The following UNC5D variants were observed in gnomAD, a reference collection of about 807,000 sequenced individuals.
UNC5D encodes unc-5 netrin receptor D.
Under a neutral mutation model 105.4 loss-of-function variants are expected in UNC5D, and 39 were observed. That is an observed-to-expected ratio of 0.37 (90% CI 0.29 to 0.48). UNC5D has a LOEUF of 0.48. Among genes scored for constraint, UNC5D ranks in the 20% least tolerant of loss-of-function variants. The probability of loss-of-function intolerance (pLI) is 0.98; values close to 1 mark genes in which losing one functional copy is unlikely to be tolerated. For missense variants in UNC5D, 991 were observed against 1,202.4 expected, an observed-to-expected ratio of 0.82 and a Z score of 2.60; for synonymous variants, 452 against 450.4, an observed-to-expected ratio of 1.00 and a Z score of -0.04.
chr8:35,660,934 T>A (rs7011324), intron 4 of UNC5D, among the ~76,000 whole-genome samples: 29,260 of 151,766 alleles, frequency 0.19, 6,559 homozygotes, highest in African/African-American at 0.55. Context: ...TCTACAAAAA[T>A]ATTTATTTAA....
intron 1 of UNC5D, among the ~76,000 whole-genome samples, chr8:35,426,866 G>A (rs1007341379): frequency 6.6e-6 from 1 of 152,080 alleles, no homozygotes; most frequent in African/African-American, 2.4e-5. Flanking sequence ...GGACTCTAGG[G>A]TAGTCACCCA....
In UNC5D at chr8:35,245,380, G is replaced by A. The variant is rs556793256; in HGVS notation, c.103+9493G>A. On this transcript the variant is annotated intron_variant, in intron 1 of 16. Coordinates refer to ENST00000404895, the MANE Select transcript of UNC5D (RefSeq NM_080872.4). ...TTTTGAAAGGAACTGGGAAAAGAAA[G>A]AATCTATCCTTCCTCTGAATAGACA... Among the ~76,000 whole-genome samples, 5 of 152,156 alleles carry A rather than the reference G, an allele frequency of 3.3e-5. No individual in the cohort carries two copies. In the South Asian group the frequency reaches 1.0e-3, roughly 32 times the overall value.
chr8:35,761,449 G>T (rs1801527520), intron 14 of UNC5D, among the ~76,000 whole-genome samples: 1 of 152,156 alleles, frequency 6.6e-6, no homozygotes. Flanking sequence ...AGTGTTTACT[G>T]ACCTCAGAGG....
chr8:35,635,957 G>A (rs1439484823), intron 4 of UNC5D, among the ~76,000 whole-genome samples: 1 of 152,124 alleles, frequency 6.6e-6, no homozygotes, highest in Non-Finnish European at 1.5e-5. Context: ...AAATTATGGT[G>A]GTCATAGGGG....
intron 1 of UNC5D, among the ~76,000 whole-genome samples, chr8:35,449,762 G>C (rs916852278): frequency 6.6e-6 from 1 of 152,060 alleles, no homozygotes; most frequent in Non-Finnish European, 1.5e-5. Flanking sequence ...CTGACCTACT[G>C]TTTGCACATG....
chr8:35,257,375 A>G (rs1000870182), intron 1 of UNC5D, among the ~76,000 whole-genome samples: 1 of 152,154 alleles, frequency 6.6e-6, no homozygotes, highest in African/African-American at 2.4e-5. Context: ...TAGCACAGAA[A>G]TGATAGAGTC....
rs140596049 is a variant in UNC5D, at chr8:35,666,033, G to T, written c.571-17514G>T. Among the ~76,000 whole-genome samples, 357 of 150,796 alleles carry T rather than the reference G, an allele frequency of 2.4e-3. 3 individuals carry two copies. The highest frequency in any genetic ancestry group is 7.8e-3 in the African/African-American group (321 of 41,142). On this transcript the variant is annotated intron_variant, in intron 4 of 16. Coordinates refer to ENST00000404895, the MANE Select transcript of UNC5D (RefSeq NM_080872.4). Reference sequence around the variant, plus strand: ...TATTAGGGATATTTCCTTCTTGAATGGATTATTAGGGATATTTCCTTCTTG... The same window carrying T: ...TATTAGGGATATTTCCTTCTTGAATTGATTATTAGGGATATTTCCTTCTTG...
At position 35,398,590 on chromosome 8, in the gene UNC5D, C is replaced by T. The variant is rs576781925; in HGVS notation, c.104-150702C>T. 7.2e-5 allele frequency among the ~76,000 whole-genome samples: 11 copies of T among 151,884 alleles called. No individual in the cohort carries two copies. The East Asian group carries it at 1.6e-3, about 21-fold the overall frequency. ...GCTGTATTCTCCTTTCATCTCCCCCCACATTGAAGTTGTATTTGAGAGGCT... is the reference window on the plus strand; with the variant it reads ...GCTGTATTCTCCTTTCATCTCCCCCTACATTGAAGTTGTATTTGAGAGGCT... On this transcript the variant is annotated intron_variant, in intron 1 of 16. Coordinates refer to ENST00000404895, the MANE Select transcript of UNC5D (RefSeq NM_080872.4).
intron 1 of UNC5D, among the ~76,000 whole-genome samples, chr8:35,400,008 TAA>T (rs1466618769): frequency 6.6e-6 from 1 of 152,156 alleles, no homozygotes; most frequent in Non-Finnish European, 1.5e-5. Flanking sequence ...TGCCTTTGTA[TAA>T]GAGTATTAAG....
intron 1 of UNC5D, among the ~76,000 whole-genome samples, chr8:35,289,364 T>C (rs1806860393): frequency 6.6e-6 from 1 of 152,172 alleles, no homozygotes; most frequent in African/African-American, 2.4e-5. Context: ...ATATAGAAAT[T>C]ATTAAATGAT....
intron 1 of UNC5D, among the ~76,000 whole-genome samples, chr8:35,338,504 C>T (rs1339272255): frequency 1.3e-5 from 2 of 151,862 alleles, no homozygotes; most frequent in Non-Finnish European, 2.9e-5. Context: ...CTCATCTGAG[C>T]CAAGGAGAAG....
intron 3 of UNC5D, among the ~76,000 whole-genome samples, chr8:35,594,550 T>A (rs1819371285): frequency 6.6e-6 from 1 of 152,170 alleles, no homozygotes; most frequent in African/African-American, 2.4e-5. Flanking sequence ...AAACAACCTG[T>A]CTTTGCCCTA....
At chr8:35,754,761 C>T (rs1376685734) in intron 13 of UNC5D, among the ~76,000 whole-genome samples, 1 of 152,126 alleles carries the variant, frequency 6.6e-6, no homozygotes, top group Admixed American at 6.5e-5. Flanking sequence ...CTCATTTGCT[C>T]TGGGGGTAGC....
chr8:35,474,672 T>C (rs563335711), intron 1 of UNC5D, among the ~76,000 whole-genome samples: 24 of 152,284 alleles, frequency 1.6e-4, no homozygotes, highest in Middle Eastern at 3.4e-3. Context: ...CCTGGCGGGA[T>C]TGGGGATCCC....
chr8:35,736,298 G>T (rs932471694), intron 11 of UNC5D, among the ~76,000 whole-genome samples: 2 of 152,206 alleles, frequency 1.3e-5, no homozygotes, highest in African/African-American at 4.8e-5. Context: ...TTGAGCATGG[G>T]AGGTCGAGGC....
At chr8:35,372,736 TG>T (rs1294326818) in intron 1 of UNC5D, among the ~76,000 whole-genome samples, 1 of 152,114 alleles carries the variant, frequency 6.6e-6, no homozygotes, top group Admixed American at 6.5e-5. Context: ...CCCAAGTAGC[TG>T]GGACTATAGG....
intron 4 of UNC5D, among the ~76,000 whole-genome samples, chr8:35,619,330 G>A (rs1001641093): frequency 3.9e-5 from 6 of 152,138 alleles, no homozygotes; most frequent in African/African-American, 1.2e-4. Flanking sequence ...AAGCAAGATC[G>A]GCATGGTCAA....
chr8:35,638,429 A>G (rs758711121), intron 4 of UNC5D, among the ~76,000 whole-genome samples: 14 of 152,120 alleles, frequency 9.2e-5, no homozygotes, highest in Non-Finnish European at 2.1e-4. Flanking sequence ...TATATGATCT[A>G]TATTTTTCAA....
chr8:35,708,206 C>G lies in UNC5D; in HGVS notation c.1117+2245C>G, dbSNP rs1827717223. Among the ~76,000 whole-genome samples, 6 of 152,146 alleles carry G rather than the reference C, an allele frequency of 3.9e-5. No homozygotes were observed. The South Asian group carries it at 1.2e-3, about 32-fold the overall frequency. On this transcript the variant is annotated intron_variant, in intron 8 of 16. Coordinates refer to ENST00000404895, the MANE Select transcript of UNC5D (RefSeq NM_080872.4). ...AGCTCTGCACAGAGTGCTCCATGAG[C>G]AGGCAGGCAGAGGCACGAGCTTAGA...
Sources: allele counts gnomAD v4.1 joint callset (sites outside exome capture counted in the v4.1 genomes callset), GRCh38; gene constraint gnomAD v4.1.1; transcripts MANE v1.5; gene names NCBI Gene and HGNC (gene_info 2026-07-23, HGNC 2026-07-21).